Variants in TENM4 observed in about 807,000 individuals in gnomAD.
TENM4 encodes teneurin transmembrane protein 4.
A neutral mutation model predicts 243.3 loss-of-function variants in TENM4; 82 were observed. The observed-to-expected ratio is 0.34, with a 90% confidence interval of 0.28 to 0.40. TENM4 has a LOEUF of 0.40. TENM4 is among the 10% of genes least tolerant of loss of function. The pLI, the probability that TENM4 is intolerant of heterozygous loss-of-function variation, is 1.00. For missense variants in TENM4, 3,138 were observed against 3,673.3 expected (o/e 0.85, Z 3.77); for synonymous variants, 1,412 against 1,456.3 (o/e 0.97, Z 0.69).
chr11:78,962,425 A>C (rs1857347591), intron 6 of TENM4, among the ~76,000 whole-genome samples: 1 of 142,150 alleles, frequency 7.0e-6, no homozygotes, highest in Non-Finnish European at 1.5e-5. Flanking sequence ...GGGGAGGGGG[A>C]GGGAGCAAAA....
At chr11:78,895,369 T>C (rs906766618) in intron 7 of TENM4, among the ~76,000 whole-genome samples, 1 of 152,030 alleles carries the variant, frequency 6.6e-6, no homozygotes, top group Non-Finnish European at 1.5e-5. Context: ...CGAAATAGTC[T>C]TGTTCTGTAC....
intron 19 of TENM4, among the ~76,000 whole-genome samples, chr11:78,740,478 G>A (rs753669868): frequency 5.3e-5 from 8 of 152,070 alleles, no homozygotes; most frequent in Non-Finnish European, 7.3e-5. Flanking sequence ...AAGCGGGTGA[G>A]GCTCAGCAAA....
intron 9 of TENM4, among the ~76,000 whole-genome samples, chr11:78,878,604 C>T (rs1031175242): frequency 9.2e-5 from 14 of 152,136 alleles, no homozygotes; most frequent in African/African-American, 2.2e-4. Context: ...TGTGACCCTG[C>T]GCCCACCTCC....
intron 4 of TENM4, among the ~76,000 whole-genome samples, chr11:79,138,594 C>T (rs1177969728): frequency 1.3e-5 from 1 of 78,662 alleles, no homozygotes; most frequent in South Asian, 3.6e-4. Flanking sequence ...ATACATAAAA[C>T]ATATATTATA....
intron 2 of TENM4, among the ~76,000 whole-genome samples, chr11:79,220,006 G>A (rs182303844): frequency 3.9e-4 from 60 of 152,314 alleles, no homozygotes; most frequent in African/African-American, 1.4e-3. Flanking sequence ...TTCCCTTCTC[G>A]GCTAAGCCGT....
chr11:79,130,210 C>A lies in TENM4; in HGVS notation c.-66+18500G>T, dbSNP rs1305757064. 2.0e-5 allele frequency among the ~76,000 whole-genome samples: 3 copies of A among 152,102 alleles called. No individual in the cohort carries two copies. In the East Asian group the frequency reaches 5.8e-4, roughly 29 times the overall value. On this transcript the variant is annotated intron_variant, in intron 4 of 33. Transcript: ENST00000278550. ...GGGAGAGTACTACATCAAGGGAACA[C>A]CCTGTGGGACAAAAGAATCTGAACA...
At chr11:78,737,231 C>T (rs959024770) in intron 20 of TENM4, among the ~76,000 whole-genome samples, 3 of 152,238 alleles carry the variant, frequency 2.0e-5, no homozygotes, top group South Asian at 4.1e-4. Flanking sequence ...ATCCTTCATG[C>T]TGTAGTGGGA....
At chr11:79,065,032 G>T in intron 5 of TENM4, 25 bp from the exon 6 acceptor site, 1 of 1,452,032 alleles carries the variant, frequency 6.9e-7, no homozygotes, top group Non-Finnish European at 9.1e-7. Flanking sequence ...AGGTGAACTT[G>T]GTTAGGGCAC....
chr11:78,866,609 T>TG (rs1419482170), intron 9 of TENM4, among the ~76,000 whole-genome samples: 2 of 137,982 alleles, frequency 1.4e-5, no homozygotes, highest in Non-Finnish European at 3.1e-5. Context: ...GGGGGAGACA[T>TG]GGGGGGAGGG....
chr11:79,038,308 T>G (rs111935992), intron 6 of TENM4, among the ~76,000 whole-genome samples: 2,704 of 152,302 alleles, frequency 0.018, 28 homozygotes, highest in Middle Eastern at 0.037. Flanking sequence ...TCCCAGGTGC[T>G]TCAAACTCAT....
chr11:79,047,922 ATAAT>A (rs1008201463), intron 6 of TENM4, among the ~76,000 whole-genome samples: 1 of 151,238 alleles, frequency 6.6e-6, no homozygotes, highest in African/African-American at 2.5e-5. Flanking sequence ...TATTAAATAA[ATAAT>A]TATTGAAGAG....
intron 12 of TENM4, among the ~76,000 whole-genome samples, chr11:78,834,636 G>A (rs1858060946): frequency 1.3e-5 from 2 of 152,176 alleles, no homozygotes; most frequent in Non-Finnish European, 2.9e-5. Flanking sequence ...TCAAAAATGG[G>A]ATCTAGAATG....
chr11:79,304,303 C>T (rs1856593103), intron 1 of TENM4, among the ~76,000 whole-genome samples: 1 of 152,286 alleles, frequency 6.6e-6, no homozygotes, highest in East Asian at 1.9e-4. Flanking sequence ...TTGAGCTGGA[C>T]GTATGGCTCA....
chr11:78,927,461 T>C (rs1303386847), intron 6 of TENM4, among the ~76,000 whole-genome samples: 13 of 152,108 alleles, frequency 8.5e-5, no homozygotes, highest in African/African-American at 2.7e-4. Flanking sequence ...GGGATGTAAA[T>C]GAGAAAAAGT....
intron 28 of TENM4, among the ~76,000 whole-genome samples, chr11:78,699,924 C>T (rs1201505306): frequency 6.6e-6 from 1 of 152,156 alleles, no homozygotes; most frequent in Non-Finnish European, 1.5e-5. Context: ...GGGCAATGGG[C>T]AAAATGGAAT....
intron 6 of TENM4, among the ~76,000 whole-genome samples, chr11:78,920,218 AT>A (rs1166758124): frequency 6.6e-6 from 1 of 152,002 alleles, no homozygotes; most frequent in Non-Finnish European, 1.5e-5. Flanking sequence ...TTTCTCAAAT[AT>A]TTTTTTCCTG....
At chr11:79,315,256 C>T (rs555088223) in intron 1 of TENM4, among the ~76,000 whole-genome samples, 1 of 152,206 alleles carries the variant, frequency 6.6e-6, no homozygotes, top group Non-Finnish European at 1.5e-5. Context: ...GAATGATTCT[C>T]ACGAGCAGAG....
intron 6 of TENM4, among the ~76,000 whole-genome samples, chr11:78,948,586 T>C (rs1857052296): frequency 6.6e-6 from 1 of 152,226 alleles, no homozygotes; most frequent in African/African-American, 2.4e-5. Context: ...TTAGCCAGGA[T>C]GGTCTCGATC....
intron 1 of TENM4, among the ~76,000 whole-genome samples, chr11:79,415,822 C>A (rs1023661019): frequency 9.9e-5 from 15 of 152,060 alleles, no homozygotes; most frequent in African/African-American, 3.4e-4. Context: ...GTGAAAACAC[C>A]ACTACAATCA....
Sources: gnomAD v4.1 joint callset for allele counts (sites outside exome capture counted in the v4.1 genomes callset) on GRCh38, gnomAD v4.1.1 for gene constraint, MANE v1.5 for transcripts, NCBI Gene and HGNC (gene_info 2026-07-23, HGNC 2026-07-21) for gene names.